Variants in SYT14 observed in about 807,000 individuals in gnomAD.
The protein encoded by SYT14 is synaptotagmin-14.
Under a neutral mutation model 74.2 loss-of-function variants are expected in SYT14, and 32 were observed. That is an observed-to-expected ratio of 0.43 (90% CI 0.33 to 0.58). The LOEUF is 0.58. Among genes scored for constraint, SYT14 ranks in the 20% least tolerant of loss-of-function variants. The pLI is 0.05. For missense variants in SYT14, 791 were observed against 981.8 expected (o/e 0.81, Z 2.60); for synonymous variants, 298 against 337.7 (o/e 0.88, Z 1.29).
At chr1:210,093,182 T>G (rs1220211026) in intron 5 of SYT14, among the ~76,000 whole-genome samples, 1 of 152,156 alleles carries the variant, frequency 6.6e-6, no homozygotes, top group Non-Finnish European at 1.5e-5. Context: ...CAAATTATCA[T>G]TTTTCATTTG....
chr1:210,019,733 T>G (rs1290546493), intron 4 of SYT14, among the ~76,000 whole-genome samples: 2 of 152,208 alleles, frequency 1.3e-5, no homozygotes, highest in Non-Finnish European at 2.9e-5. Context: ...CAACCTCAAT[T>G]TCTTTACTAC....
Position 210,115,003 on chromosome 1 carries a change from A to G in SYT14, c.2034+14542A>G, listed in dbSNP as rs539151398. On this transcript the variant is annotated intron_variant, in intron 7 of 9. Coordinates refer to ENST00000637265, the Ensembl canonical transcript of SYT14. ...AGAAGGAATATTTGGGACGAGTTGC[A>G]TTGGGAACAGAGACTAGGGAGGGAC... Among the ~76,000 whole-genome samples, 155 of 151,212 alleles carry G rather than the reference A, an allele frequency of 1.0e-3. 6 individuals are homozygous for G. The highest frequency in any genetic ancestry group is 3.7e-3 in the African/African-American group (151 of 40,552).
intron 7 of SYT14, among the ~76,000 whole-genome samples, chr1:210,127,220 A>G (rs773748404): frequency 3.3e-5 from 5 of 152,184 alleles, no homozygotes; most frequent in Non-Finnish European, 5.9e-5. Flanking sequence ...CTTAGACTTT[A>G]TTTTCATTGG....
intron 2 of SYT14, among the ~76,000 whole-genome samples, chr1:209,974,388 A>G (rs2079317500): frequency 6.6e-6 from 1 of 152,200 alleles, no homozygotes; most frequent in Admixed American, 6.5e-5. Context: ...TAATTTTTGT[A>G]TAAGGTGTAA....
chr1:210,015,871 C>T, exon 4 of SYT14: 1 of 1,212,806 alleles, frequency 8.2e-7, no homozygotes, highest in Non-Finnish European at 1.0e-6. Flanking sequence ...TTAAAAGCTA[C>T]AATGTGAATT....
At chr1:210,136,100 C>G (rs567148003) in intron 7 of SYT14, among the ~76,000 whole-genome samples, 208 of 152,202 alleles carry the variant, frequency 1.4e-3, no homozygotes, top group Non-Finnish European at 2.7e-3. Flanking sequence ...AGACAAGAAG[C>G]CTGTAGAAAA....
At chr1:210,038,586 C>G (rs2080719516) in intron 5 of SYT14, among the ~76,000 whole-genome samples, 1 of 151,876 alleles carries the variant, frequency 6.6e-6, no homozygotes, top group Non-Finnish European at 1.5e-5. Context: ...TTTAGAATTC[C>G]CTGGAGTATT....
chr1:209,947,410 G>A (rs1163513086), intron 1 of SYT14, among the ~76,000 whole-genome samples: 2 of 152,134 alleles, frequency 1.3e-5, no homozygotes, highest in Non-Finnish European at 2.9e-5. Context: ...ATAGGAGTTT[G>A]GGAGAAGTTG....
rs1024314192 is a variant in SYT14 at position 210,074,703 on chromosome 1, C to T, written c.1313-19619C>T. On this transcript the variant is annotated intron_variant, in intron 5 of 9. Transcript: ENST00000637265. ...AAATGGGAAAAGTTCCCTTGTCCCC[C>T]TCTCAGGGCGTGTGATGGTGGTGTG... is the stretch of plus-strand genomic sequence containing the variant. 5.3e-5 allele frequency among the ~76,000 whole-genome samples: 8 copies of T among 152,272 alleles called. No homozygotes were observed. The South Asian group carries it at 1.0e-3, about 20-fold the overall frequency.
At chr1:209,969,055 T>C (rs949241430) in intron 2 of SYT14, among the ~76,000 whole-genome samples, 5 of 152,188 alleles carry the variant, frequency 3.3e-5, no homozygotes, top group South Asian at 2.1e-4. Context: ...GCTGCATCCA[T>C]GTTGCTGTAG....
intron 5 of SYT14, among the ~76,000 whole-genome samples, chr1:210,077,031 T>C (rs1197407927): frequency 6.6e-6 from 1 of 152,228 alleles, no homozygotes; most frequent in Non-Finnish European, 1.5e-5. Flanking sequence ...ATTGCTGTGT[T>C]AGGCCATTCT....
intron 2 of SYT14, among the ~76,000 whole-genome samples, chr1:209,991,555 G>T (rs1453693037): frequency 6.6e-6 from 1 of 152,134 alleles, no homozygotes; most frequent in Admixed American, 6.5e-5. Flanking sequence ...AATCATCAGA[G>T]AAATGCAAAT....
At chr1:210,109,475 C>T (rs954948158) in intron 7 of SYT14, among the ~76,000 whole-genome samples, 7 of 151,184 alleles carry the variant, frequency 4.6e-5, no homozygotes, top group East Asian at 3.9e-4. Flanking sequence ...CTATTCGGGA[C>T]GCTGAGGCAG....
intron 2 of SYT14, among the ~76,000 whole-genome samples, chr1:209,972,494 C>T (rs1278690842): frequency 6.6e-6 from 1 of 151,992 alleles, no homozygotes; most frequent in African/African-American, 2.4e-5. Flanking sequence ...GCACTATGAA[C>T]TTTCCTCTTA....
intron 2 of SYT14, among the ~76,000 whole-genome samples, chr1:209,970,038 TTC>T (rs2079222155): frequency 1.3e-5 from 2 of 152,218 alleles, no homozygotes; most frequent in Admixed American, 6.5e-5. Flanking sequence ...TGTTGATTAC[TTC>T]TTTTACTGTG....
rs569262162 is a variant in SYT14 at position 210,100,589 on chromosome 1, A to C, written c.2034+128A>C. The C allele has an allele frequency of 1.6e-5, 15 of 916,648 alleles. No individual in the cohort carries two copies. In the Admixed American group the frequency reaches 3.5e-4, roughly 21 times the overall value. 56.8% of individuals were successfully genotyped at this position (916,648 alleles called of 1,614,324 possible). ...TTTTTTACATAGTAATCATGCCTTT[A>C]CAAAAATATCTAAGCCCTGGATAGA... On this transcript the variant is annotated intron_variant, in intron 7 of 9. Coordinates refer to ENST00000637265, the Ensembl canonical transcript of SYT14.
At chr1:209,983,395 T>G (rs915238974) in intron 2 of SYT14, among the ~76,000 whole-genome samples, 2 of 152,146 alleles carry the variant, frequency 1.3e-5, no homozygotes, top group Admixed American at 6.5e-5. Flanking sequence ...TTTTTCTGCC[T>G]TCTTTTTTTC....
chr1:209,948,342 A>G (rs1400330904), intron 1 of SYT14, among the ~76,000 whole-genome samples: 2 of 152,358 alleles, frequency 1.3e-5, no homozygotes, highest in Non-Finnish European at 2.9e-5. Context: ...ACAAACACAC[A>G]TGCACACAAT....
chr1:210,018,808 T>C (rs770564437), intron 4 of SYT14, among the ~76,000 whole-genome samples: 1 of 152,100 alleles, frequency 6.6e-6, no homozygotes, highest in Non-Finnish European at 1.5e-5. Context: ...CTGGTACCTG[T>C]GTTCCAGGTT....
Sources: gnomAD v4.1 joint callset for allele counts (sites outside exome capture counted in the v4.1 genomes callset) on GRCh38, gnomAD v4.1.1 for gene constraint, MANE v1.5 for transcripts, NCBI Gene and HGNC (gene_info 2026-07-23, HGNC 2026-07-21) for gene names.